Variants in AGBL2 observed in about 807,000 individuals in gnomAD.
The protein encoded by AGBL2 is AGBL carboxypeptidase 2.
In AGBL2, 87 loss-of-function variants were observed where a neutral mutation model predicts 103.0. The observed-to-expected ratio is 0.84, with a 90% CI of 0.71 to 1.01. The LOEUF is 1.01. Ranked by LOEUF, AGBL2 falls within the 50% of genes least tolerant of loss-of-function variation. The pLI, the probability that AGBL2 is intolerant of heterozygous loss-of-function variation, is 0.00. For missense variants in AGBL2, 904 were observed against 1,023.5 expected, an observed-to-expected ratio of 0.88 and a Z score of 1.59; for synonymous variants, 335 against 356.7, an observed-to-expected ratio of 0.94 and a Z score of 0.69.
chr11:47,662,959 T>A, intron 18 of AGBL2, 67 bp downstream of exon 18: 1 of 1,288,220 alleles, frequency 7.8e-7, no homozygotes, highest in Non-Finnish European at 1.1e-6. Context: ...AATCACATAA[T>A]ACATTTGAGA....
At chr11:47,669,659 A>G (rs186442618) in intron 14 of AGBL2, among the ~76,000 whole-genome samples, 6 of 151,750 alleles carry the variant, frequency 4.0e-5, no homozygotes, top group Admixed American at 2.6e-4. Context: ...AGCCTAAGCA[A>G]CAAGAGTGAA....
At chr11:47,703,625 T>C (rs1345992479) in intron 7 of AGBL2, among the ~76,000 whole-genome samples, 2 of 151,994 alleles carry the variant, frequency 1.3e-5, no homozygotes, top group African/African-American at 2.4e-5. Context: ...ACGCTGACTC[T>C]AATAAAAATA....
chr11:47,670,977 G>C (rs1199133622), intron 14 of AGBL2, among the ~76,000 whole-genome samples: 2 of 151,136 alleles, frequency 1.3e-5, no homozygotes, highest in African/African-American at 2.4e-5. Context: ...CTGGGCGACA[G>C]AGCGACACTC....
rs181047190 is a variant in AGBL2, at chr11:47,706,235, G to A, written c.233-318C>T. 4.3e-4 allele frequency among the ~76,000 whole-genome samples: 65 copies of A among 151,962 alleles called. No individual in the cohort carries two copies. The East Asian group carries it at 7.6e-3, about 18-fold the overall frequency. On this transcript the variant is annotated intron_variant, in intron 4 of 18. Coordinates refer to ENST00000525123, the MANE Select transcript of AGBL2 (RefSeq NM_024783.4). The stretch of plus-strand genomic sequence containing the variant: ...TTGGGAGTTCAAGACCAGCCTGGCC[G>A]GCTGGGCGCGGTGGCTCATGCCTGT...
intron 4 of AGBL2, among the ~76,000 whole-genome samples, chr11:47,708,591 G>A (rs1183135368): frequency 1.3e-5 from 2 of 148,168 alleles, no homozygotes; most frequent in African/African-American, 5.0e-5. Flanking sequence ...CAAGGCAGGC[G>A]GGTCGCGAGG....
intron 14 of AGBL2, among the ~76,000 whole-genome samples, chr11:47,672,254 C>T (rs2097359781): frequency 6.6e-6 from 1 of 151,930 alleles, no homozygotes; most frequent in Non-Finnish European, 1.5e-5. Context: ...CCCGTTATTA[C>T]AGACATGAGC....
At chr11:47,697,238 T>C (rs2097478116) in intron 8 of AGBL2, among the ~76,000 whole-genome samples, 1 of 151,298 alleles carries the variant, frequency 6.6e-6, no homozygotes, top group Non-Finnish European at 1.5e-5. Flanking sequence ...CTCTTAATGA[T>C]GATGATGATG....
intron 14 of AGBL2, among the ~76,000 whole-genome samples, chr11:47,675,235 G>T (rs1363037991): frequency 1.6e-5 from 2 of 123,322 alleles, no homozygotes; most frequent in Non-Finnish European, 3.2e-5. Context: ...CTGAGACAGG[G>T]TCTCACTCTA....
chr11:47,697,734 C>G (rs187545223), intron 8 of AGBL2, among the ~76,000 whole-genome samples: 286 of 149,926 alleles, frequency 1.9e-3, no homozygotes, highest in Middle Eastern at 0.014. Context: ...TTTTAGTAGA[C>G]ACGGAGTTTT....
At chr11:47,704,098 T>A (rs537362305) in intron 7 of AGBL2, among the ~76,000 whole-genome samples, 1 of 151,324 alleles carries the variant, frequency 6.6e-6, no homozygotes, top group South Asian at 2.1e-4. Context: ...TGAGACTCTG[T>A]CTCAGTAAAT....
chr11:47,688,148 G>A (rs1349670810), intron 10 of AGBL2, among the ~76,000 whole-genome samples: 2 of 151,830 alleles, frequency 1.3e-5, no homozygotes, highest in African/African-American at 2.4e-5. Flanking sequence ...CCTAATACAC[G>A]GGGTCTCACT....
intron 8 of AGBL2, among the ~76,000 whole-genome samples, chr11:47,698,168 A>ATTTTTTT (rs35161992): frequency 3.8e-5 from 3 of 79,814 alleles, no homozygotes; most frequent in African/African-American, 5.4e-5. Flanking sequence ...AGTCTACATA[A>ATTTTTTT]TTTTTTTTTT....
intron 4 of AGBL2, among the ~76,000 whole-genome samples, chr11:47,709,884 A>T (rs1045359980): frequency 4.3e-4 from 65 of 150,806 alleles, no homozygotes; most frequent in African/African-American, 1.5e-3. Flanking sequence ...CCACGATGCC[A>T]GGTGTATTAC....
chr11:47,690,530 C>T lies in AGBL2; in HGVS notation c.1177G>A (p.Ala393Thr), dbSNP rs201361800. ...GTGTATGTATATGGGTAGAAGTGTGCAAAGAAGCAAGTGTCCTGGTCATAT... is the reference window on the plus strand; with the variant it reads ...GTGTATGTATATGGGTAGAAGTGTGTAAAGAAGCAAGTGTCCTGGTCATAT... The part of the protein sequence containing the change: ...FPYDQDTCFF[A>T]HFYPYTYTDL... The change falls in exon 10 of 19, where the codon GCA becomes ACA. Residue 393 changes from alanine to threonine, a missense_variant. By Grantham distance (58) the Ala-to-Thr change is moderately conservative. Transcript: ENST00000525123. 6.2e-7 allele frequency: 1 copy of T among 1,614,100 alleles called. No individual in the cohort carries two copies. The highest frequency in any genetic ancestry group is 2.2e-5 in the East Asian group (1 of 44,880).
At chr11:47,670,007 G>A (rs571317187) in intron 14 of AGBL2, among the ~76,000 whole-genome samples, 3 of 152,358 alleles carry the variant, frequency 2.0e-5, no homozygotes, top group Admixed American at 6.5e-5. Context: ...ACAGATGAAC[G>A]AGGCAGAGCC....
chr11:47,660,049 A>G lies in AGBL2; in HGVS notation c.*124T>C, dbSNP rs975417667. 6 of 1,037,314 alleles carry G rather than the reference A, an allele frequency of 5.8e-6. No homozygotes were observed. In the Admixed American group the frequency reaches 1.4e-4, roughly 25 times the overall value. The allele number at this position is 1,037,314 out of a possible 1,614,324, so 64.3% of individuals were successfully genotyped here. ...TAAGTACAAAGTGTAAGGTCAGTGC[A>G]TGAGTGCACAACACAGTATACCACA... On this transcript the variant is annotated 3_prime_UTR_variant, in exon 19 of 19. Transcript: ENST00000525123.
chr11:47,694,741 GTCC>G (rs1000903451), intron 8 of AGBL2, among the ~76,000 whole-genome samples: 6 of 152,304 alleles, frequency 3.9e-5, no homozygotes, highest in African/African-American at 1.4e-4. Flanking sequence ...GGTCTACATT[GTCC>G]TCCTCCCCTC....
intron 13 of AGBL2, among the ~76,000 whole-genome samples, chr11:47,678,241 C>A (rs373018524): frequency 6.6e-6 from 1 of 151,026 alleles, no homozygotes; most frequent in Non-Finnish European, 1.5e-5. Context: ...GGATTACAGG[C>A]GTGAGCCATC....
rs1183722241 is a variant in AGBL2 at position 47,692,489 on chromosome 11, G to A, written c.695-233C>T. Among the ~76,000 whole-genome samples, 6 of 126,884 alleles carry A rather than the reference G, an allele frequency of 4.7e-5. No individual in the cohort carries two copies. The Admixed American group carries it at 6.1e-4, about 13-fold the overall frequency. 83.2% of individuals were successfully genotyped at this position (126,884 alleles called of 152,430 possible). On this transcript the variant is annotated intron_variant, in intron 8 of 18. Transcript: ENST00000525123. ...TGCAGTGACACGATCTTGGCTCACT[G>A]CAAGCTCCGCCTCCCAGGTTCATGC...
Sources: allele counts gnomAD v4.1 joint callset (sites outside exome capture counted in the v4.1 genomes callset), GRCh38; gene constraint gnomAD v4.1.1; transcripts MANE v1.5; gene names NCBI Gene and HGNC (gene_info 2026-07-23, HGNC 2026-07-21).